MAPK4: variants seen among roughly 807,000 people sequenced by gnomAD.
The protein encoded by MAPK4 is mitogen-activated protein kinase 4.
MAPK4 carries 22 observed loss-of-function variants against 47.7 expected under a neutral mutation model. The ratio of observed to expected loss-of-function variants is 0.46; its 90% CI spans 0.33 to 0.66. The LOEUF (loss-of-function observed/expected upper bound fraction) is 0.66. MAPK4 is among the 30% of genes least tolerant of loss of function. The pLI, the probability that MAPK4 is intolerant of heterozygous loss-of-function variation, is 0.02. For missense variants in MAPK4, 736 were observed against 831.7 expected, an observed-to-expected ratio of 0.88 and a Z score of 1.42; for synonymous variants, 390 against 365.7, an observed-to-expected ratio of 1.07 and a Z score of -0.76.
chr18:50,656,228 G>A (rs532182102), intron 1 of MAPK4, among the ~76,000 whole-genome samples: 17 of 152,250 alleles, frequency 1.1e-4, no homozygotes, highest in South Asian at 4.1e-4. Flanking sequence ...TTATTACCAC[G>A]CAGCTCCTGA....
At chr18:50,676,340 AG>A (rs1338979703) in intron 2 of MAPK4, among the ~76,000 whole-genome samples, 1 of 152,254 alleles carries the variant, frequency 6.6e-6, no homozygotes, top group Non-Finnish European at 1.5e-5. Flanking sequence ...ATTAGACCAA[AG>A]GCCTAGCCAC....
At chr18:50,642,830 C>T (rs1381012208) in intron 1 of MAPK4, among the ~76,000 whole-genome samples, 1 of 152,228 alleles carries the variant, frequency 6.6e-6, no homozygotes, top group Non-Finnish European at 1.5e-5. Context: ...GTCTCGAACT[C>T]CTGACCTCAG....
chr18:50,685,841 C>T (rs546594329), intron 2 of MAPK4, among the ~76,000 whole-genome samples: 4 of 152,208 alleles, frequency 2.6e-5, no homozygotes, highest in East Asian at 1.9e-4. Flanking sequence ...ACTCGGTACA[C>T]GCAGCTCTCT....
At chr18:50,670,495 G>A (rs1047001604) in intron 2 of MAPK4, among the ~76,000 whole-genome samples, 4 of 152,106 alleles carry the variant, frequency 2.6e-5, no homozygotes, top group African/African-American at 4.8e-5. Flanking sequence ...GGTGGCTCAC[G>A]CCTGCAATCC....
intron 1 of MAPK4, among the ~76,000 whole-genome samples, chr18:50,619,427 C>T (rs1331546167): frequency 7.2e-5 from 11 of 152,226 alleles, no homozygotes; most frequent in Admixed American, 1.3e-4. Context: ...GATCCTCCAA[C>T]CTCAGCCTCC....
chr18:50,604,229 G>C (rs559801851), intron 1 of MAPK4, among the ~76,000 whole-genome samples: 1 of 152,340 alleles, frequency 6.6e-6, no homozygotes, highest in South Asian at 2.1e-4. Context: ...TTGAGTTACT[G>C]AGAGATTATT....
At chr18:50,562,125 A>C (rs1243111882) in intron 1 of MAPK4, among the ~76,000 whole-genome samples, 2 of 152,218 alleles carry the variant, frequency 1.3e-5, no homozygotes, top group Non-Finnish European at 2.9e-5. Flanking sequence ...GTGAGGGATT[A>C]ATTGTAATTT....
intron 1 of MAPK4, among the ~76,000 whole-genome samples, chr18:50,569,712 A>C (rs191887937): frequency 3.1e-4 from 47 of 152,362 alleles, no homozygotes; most frequent in Non-Finnish European, 5.6e-4. Flanking sequence ...ACAGAACAAC[A>C]ATAACAACAA....
intron 2 of MAPK4, among the ~76,000 whole-genome samples, chr18:50,702,435 T>C (rs1423167144): frequency 6.6e-6 from 1 of 152,102 alleles, no homozygotes; most frequent in Non-Finnish European, 1.5e-5. Context: ...GAAGAGAAGA[T>C]CAGAGATTAT....
At chr18:50,668,822 C>T (rs966506511) in intron 2 of MAPK4, among the ~76,000 whole-genome samples, 4 of 152,224 alleles carry the variant, frequency 2.6e-5, no homozygotes, top group Non-Finnish European at 4.4e-5. Context: ...CGCTCAAGGT[C>T]ACACAATGAG....
chr18:50,716,345 C>T (rs1910635411), intron 3 of MAPK4, among the ~76,000 whole-genome samples: 1 of 152,136 alleles, frequency 6.6e-6, no homozygotes, highest in Non-Finnish European at 1.5e-5. Context: ...CCTGGGTCTC[C>T]TCCTCCCTCT....
At chr18:50,596,837 AGTC>A (rs2042486067) in intron 1 of MAPK4, among the ~76,000 whole-genome samples, 1 of 152,260 alleles carries the variant, frequency 6.6e-6, no homozygotes, top group Non-Finnish European at 1.5e-5. Flanking sequence ...AACTTCACAC[AGTC>A]TCAGCCCACG....
chr18:50,726,589 T>C (rs1911212924), intron 5 of MAPK4, among the ~76,000 whole-genome samples: 1 of 152,146 alleles, frequency 6.6e-6, no homozygotes, highest in South Asian at 2.1e-4. Context: ...ATGTTTCATG[T>C]TGGTAACTCT....
chr18:50,690,085 C>CCTGA (rs770678855), intron 2 of MAPK4, among the ~76,000 whole-genome samples: 1 of 152,142 alleles, frequency 6.6e-6, no homozygotes, highest in Non-Finnish European at 1.5e-5. Context: ...TTCCCTCTCA[C>CCTGA]CTGAGCTAGA....
At chr18:50,717,029 G>A (rs1910675467) in intron 3 of MAPK4, among the ~76,000 whole-genome samples, 1 of 152,100 alleles carries the variant, frequency 6.6e-6, no homozygotes, top group South Asian at 2.1e-4. Flanking sequence ...CCACACTGAG[G>A]CTGTTGGCAC....
At chr18:50,616,540 G>A (rs1048180453) in intron 1 of MAPK4, among the ~76,000 whole-genome samples, 17 of 152,200 alleles carry the variant, frequency 1.1e-4, no homozygotes, top group African/African-American at 3.9e-4. Context: ...CGATCACAAG[G>A]TGAAGTCCCA....
intron 2 of MAPK4, among the ~76,000 whole-genome samples, chr18:50,713,750 A>G (rs150290857): frequency 9.8e-4 from 150 of 152,344 alleles, no homozygotes; most frequent in African/African-American, 3.4e-3. Context: ...TGGAATGTAC[A>G]CTGTCAAATG....
rs371240088 is a variant in MAPK4 at position 50,585,852 on chromosome 18, G to A, written c.-871+25609G>A. Among the ~76,000 whole-genome samples the A allele has an allele frequency of 3.9e-5, 6 of 152,318 alleles. No homozygotes were observed. In the East Asian group the frequency reaches 1.2e-3, roughly 29 times the overall value. ...TGGTGGTAGGAAGGAGAAGTGCTGA[G>A]CAAAGGGGGAAAAGCCTCATCAGAT... On this transcript the variant is annotated intron_variant, in intron 1 of 5. Transcript: ENST00000400384.
intron 2 of MAPK4, among the ~76,000 whole-genome samples, chr18:50,666,455 C>G (rs1368156381): frequency 6.6e-6 from 1 of 152,170 alleles, no homozygotes; most frequent in African/African-American, 2.4e-5. Context: ...AGGACTGCAT[C>G]CATTCATTTA....
Sources: gnomAD v4.1 joint callset for allele counts (sites outside exome capture counted in the v4.1 genomes callset) on GRCh38, gnomAD v4.1.1 for gene constraint, MANE v1.5 for transcripts, NCBI Gene and HGNC (gene_info 2026-07-23, HGNC 2026-07-21) for gene names.